Variants in LVRN observed in about 807,000 individuals in gnomAD.
The protein encoded by LVRN is aminopeptidase Q.
In LVRN, 99 loss-of-function variants were observed where a neutral mutation model predicts 111.4. The ratio of observed to expected loss-of-function variants is 0.89; its 90% CI spans 0.76 to 1.05. The LOEUF (loss-of-function observed/expected upper bound fraction) is 1.05. LVRN is among the 50% of genes least tolerant of loss of function. The probability of loss-of-function intolerance (pLI) is 0.00; values close to 1 mark genes in which losing one functional copy is unlikely to be tolerated. For missense variants in LVRN, 1,414 were observed against 1,206.8 expected (o/e 1.17, Z -2.54); for synonymous variants, 488 against 449.5 (o/e 1.09, Z -1.08).
At chr5:115,969,641 C>A (rs989807610) in intron 1 of LVRN, among the ~76,000 whole-genome samples, 4 of 151,318 alleles carry the variant, frequency 2.6e-5, no homozygotes, top group African/African-American at 7.3e-5. Flanking sequence ...ACTAAAAATA[C>A]GAAAAAAAAT....
At chr5:115,998,436 A>G (rs889287605) in intron 6 of LVRN, among the ~76,000 whole-genome samples, 1 of 152,214 alleles carries the variant, frequency 6.6e-6, no homozygotes, top group Non-Finnish European at 1.5e-5. Context: ...AACTATGGGA[A>G]TAAATAGTAC....
chr5:116,003,809 C>T (rs1183547997), intron 12 of LVRN, among the ~76,000 whole-genome samples: 3 of 152,094 alleles, frequency 2.0e-5, no homozygotes, highest in Non-Finnish European at 4.4e-5. Flanking sequence ...TCTCAATCTC[C>T]TGACCTGGTG....
intron 4 of LVRN, among the ~76,000 whole-genome samples, chr5:115,988,783 C>G (rs1183745160): frequency 6.6e-6 from 1 of 152,082 alleles, no homozygotes; most frequent in South Asian, 2.1e-4. Context: ...TTCAGAAATC[C>G]TGGAGGAAAC....
rs2112573384 is a variant in LVRN, at chr5:115,984,618, C to A, written c.887C>A (p.Thr296Asn). The stretch of plus-strand genomic sequence containing the variant: ...AATGGAAGCAAATGGACTGTTACAA[C>A]CTTTTCCACTACGCCCCACATGCCA... ...DVNGSKWTVT[T>N]FSTTPHMPTY... is the part of the protein sequence containing the mutation. The change falls in exon 3 of 20, where the codon ACC becomes AAC. Residue 296 changes from threonine (T) to asparagine (N), a missense_variant. Transcript: ENST00000357872. 6.2e-7 allele frequency: 1 copy of A among 1,613,654 alleles called. No homozygotes were observed. Among genetic ancestry groups the A allele is most frequent in the East Asian group, 2.2e-5 (1 of 44,864 alleles).
rs1459523917 is a variant in LVRN, at chr5:116,026,217, T to C, written c.*99T>C. On this transcript the variant is annotated 3_prime_UTR_variant, in exon 20 of 20. Coordinates refer to ENST00000357872, the MANE Select transcript of LVRN (RefSeq NM_173800.5). ...TGTGAGTCTGGAAAACCACACATTT[T>C]ATTTGTATTTCAGTCACATTTATTA... 2.7e-6 allele frequency: 4 copies of C among 1,503,936 alleles called. No individual in the cohort carries two copies. The highest frequency in any genetic ancestry group is 1.2e-5 in the South Asian group (1 of 83,166). The allele number at this position is 1,503,936 out of a possible 1,614,324, so 93.2% of individuals were successfully genotyped here. A position where few individuals can be genotyped will look rare whatever the true frequency, so the allele number is the denominator to read the frequency against.
In LVRN at chr5:115,962,866, C is replaced by A; in HGVS notation, c.249C>A (p.Thr83=). The change falls in exon 1 of 20, where the codon ACC becomes ACA. Residue 83 remains threonine, a synonymous_variant. Transcript: ENST00000357872. ...CACGCGAGCTAGCGGTGACGACCAC[C>A]CCGAGCAACTGGCGACCCCCGGGGC... The part of the protein sequence containing the change: ...SSARELAVTT[T]PSNWRPPGPW... 1 of 1,613,068 alleles carries A rather than the reference C, an allele frequency of 6.2e-7. No homozygotes were observed. The highest frequency in any genetic ancestry group is 8.5e-7 in the Non-Finnish European group (1 of 1,179,790).
chr5:115,983,679 A>G lies in LVRN; in HGVS notation c.838+250A>G, dbSNP rs191247445. Among the ~76,000 whole-genome samples the G allele has an allele frequency of 1.0e-3, 153 of 152,302 alleles. 2 individuals are homozygous for G. The highest frequency in any genetic ancestry group is 3.4e-3 in the Middle Eastern group (1 of 294). ...TAAATGGGCAGTCTGCCTGCCACTTAGTTTGGGCTTCAACTGTTGATCATT... is the reference window on the plus strand; with the variant it reads ...TAAATGGGCAGTCTGCCTGCCACTTGGTTTGGGCTTCAACTGTTGATCATT... On this transcript the variant is annotated intron_variant, in intron 2 of 19. Transcript: ENST00000357872.
At position 116,003,089 on chromosome 5, in the gene LVRN, T is replaced by A. The variant is rs936191817; in HGVS notation, c.1898-152T>A. 138 of 878,974 alleles carry A rather than the reference T, an allele frequency of 1.6e-4. No homozygotes were observed. In the African/African-American group the frequency reaches 2.2e-3, roughly 14 times the overall value. The allele number at this position is 878,974 out of a possible 1,614,324, so 54.4% of individuals were successfully genotyped here. On this transcript the variant is annotated intron_variant, in intron 11 of 19. Coordinates refer to ENST00000357872, the MANE Select transcript of LVRN (RefSeq NM_173800.5). ...CAAAAGCCATTATATGTGAAAAATA[T>A]ATAATTACCTGGTAAGAGCAATATA...
intron 18 of LVRN, among the ~76,000 whole-genome samples, chr5:116,016,411 A>G (rs550946437): frequency 6.6e-6 from 1 of 152,326 alleles, no homozygotes; most frequent in African/African-American, 2.4e-5. Context: ...TTATAAGTAA[A>G]AAATCCTTAT....
intron 18 of LVRN, among the ~76,000 whole-genome samples, chr5:116,018,206 A>G (rs1333480065): frequency 6.6e-6 from 1 of 152,216 alleles, no homozygotes; most frequent in Non-Finnish European, 1.5e-5. Context: ...AAGTTAAATT[A>G]CTTAAAGTCA....
chr5:116,010,832 A>G lies in LVRN; in HGVS notation c.2185A>G (p.Asn729Asp). The change falls in exon 14 of 20, where the codon AAC (asparagine) becomes GAC (aspartate). Residue 729 changes from asparagine (N) to aspartate (D), a missense_variant. Physicochemically the swap from Asn to Asp is conservative, Grantham distance 23 (BLOSUM62 1). Transcript: ENST00000357872. ...EIIVWHTVLV[N>D]LVTRDLVSEV... is the part of the protein sequence containing the mutation. ...TATAGTATGGCATACAGTCTTGGTAAACTTGGTAACCAGGGATCTTGTTTC... is the reference window on the plus strand; with the variant it reads ...TATAGTATGGCATACAGTCTTGGTAGACTTGGTAACCAGGGATCTTGTTTC... The G allele has an allele frequency of 6.2e-7, 1 of 1,612,116 alleles. No individual in the cohort carries two copies. Among genetic ancestry groups the G allele is most frequent in the Non-Finnish European group, 8.5e-7 (1 of 1,179,048 alleles).
At chr5:115,980,340 T>C (rs1438017061) in intron 1 of LVRN, among the ~76,000 whole-genome samples, 1 of 151,984 alleles carries the variant, frequency 6.6e-6, no homozygotes, top group African/African-American at 2.4e-5. Context: ...TAGACTTGAC[T>C]TTTGCAGTTA....
chr5:116,012,986 A>C (rs566552768), intron 15 of LVRN, among the ~76,000 whole-genome samples: 1 of 152,220 alleles, frequency 6.6e-6, no homozygotes, highest in Non-Finnish European at 1.5e-5. Context: ...GAGGAGAGTA[A>C]GCATATTGTC....
intron 4 of LVRN, among the ~76,000 whole-genome samples, chr5:115,988,333 T>G (rs1235973935): frequency 6.1e-5 from 1 of 16,524 alleles, no homozygotes; most frequent in Admixed American, 9.2e-4. Context: ...CTTTAGTAAG[T>G]TTTTTTTTTT....
chr5:115,998,876 C>G (rs1179780515), intron 6 of LVRN, among the ~76,000 whole-genome samples: 1 of 152,158 alleles, frequency 6.6e-6, no homozygotes, highest in Non-Finnish European at 1.5e-5. Flanking sequence ...AATGGTATTA[C>G]TAGCCTAAAA....
Position 115,996,182 on chromosome 5 carries a change from C to A in LVRN, c.1374+2328C>A, listed in dbSNP as rs75174169. ...TAAATAAGGGAAGAAGTTTAATTCC[C>A]ATAAGACAATGAAATTTACTCTATT... On this transcript the variant is annotated intron_variant, in intron 6 of 19. Coordinates refer to ENST00000357872, the MANE Select transcript of LVRN (RefSeq NM_173800.5). 6.3e-3 allele frequency among the ~76,000 whole-genome samples: 955 copies of A among 152,192 alleles called. 10 individuals are homozygous for A. Among genetic ancestry groups the A allele is most frequent in the African/African-American group, 0.021 (871 of 41,508 alleles).
chr5:115,980,847 C>T (rs1300611591), intron 1 of LVRN, among the ~76,000 whole-genome samples: 1 of 152,108 alleles, frequency 6.6e-6, no homozygotes, highest in African/African-American at 2.4e-5. Context: ...TCCTGAAGGC[C>T]ATGCATGAAC....
At chr5:115,985,138 G>C (rs997894626) in intron 3 of LVRN, among the ~76,000 whole-genome samples, 1 of 152,134 alleles carries the variant, frequency 6.6e-6, no homozygotes, top group African/African-American at 2.4e-5. Context: ...GCATCAACGA[G>C]TCAAAACGGA....
intron 1 of LVRN, among the ~76,000 whole-genome samples, chr5:115,969,667 G>A (rs1417528155): frequency 2.6e-5 from 4 of 151,932 alleles, no homozygotes; most frequent in Non-Finnish European, 5.9e-5. Context: ...AGGTGTGGTG[G>A]CATGCACCTG....
Sources: gnomAD v4.1 joint callset for allele counts (sites outside exome capture counted in the v4.1 genomes callset) on GRCh38, gnomAD v4.1.1 for gene constraint, MANE v1.5 for transcripts, NCBI Gene and HGNC (gene_info 2026-07-23, HGNC 2026-07-21) for gene names.